The following MZT2A variants were observed in gnomAD, a reference collection of about 807,000 sequenced individuals.
The protein encoded by MZT2A is mitotic-spindle organizing protein 2A.
MZT2A carries 8 observed loss-of-function variants against 12.4 expected under a neutral mutation model. The ratio of observed to expected loss-of-function variants is 0.64; its 90% CI spans 0.38 to 1.16. MZT2A has a LOEUF of 1.16. Ranked by LOEUF, MZT2A falls within the 50% of genes most tolerant of loss-of-function variation. The pLI, the probability that MZT2A is intolerant of heterozygous loss-of-function variation, is 0.01. For synonymous variants in MZT2A, 88 were observed against 107.5 expected, an observed-to-expected ratio of 0.82 and a Z score of 1.12; for missense variants, 181 against 223.6, an observed-to-expected ratio of 0.81 and a Z score of 1.22.
upstream of MZT2A, chr2:131,492,628 A>G: frequency 8.2e-7 from 1 of 1,212,636 alleles, no homozygotes; most frequent in South Asian, 1.9e-5. Context: ...CTTGGCGGTC[A>G]GGGCGTCCCT....
downstream of MZT2A, among the ~76,000 whole-genome samples, chr2:131,483,093 A>G (rs55753071): frequency 0.2 from 30,677 of 152,072 alleles, 5,077 homozygotes; most frequent in East Asian, 0.76. Flanking sequence ...TAACCTGACC[A>G]GGGGAAAATA....
chr2:131,483,704 G>A (rs1413653887), downstream of MZT2A, among the ~76,000 whole-genome samples: 1 of 151,044 alleles, frequency 6.6e-6, no homozygotes, highest in East Asian at 1.9e-4. Flanking sequence ...AACAGAGCAA[G>A]ACTCCGTTTC....
intron 3 of MZT2A, among the ~76,000 whole-genome samples, chr2:131,470,574 C>A (rs1704962074): frequency 6.6e-6 from 1 of 152,226 alleles, no homozygotes; most frequent in Admixed American, 6.5e-5. Context: ...CAACCCCACA[C>A]CAAGAAAGAC....
intron 2 of MZT2A, among the ~76,000 whole-genome samples, chr2:131,484,882 T>C (rs906418695): frequency 6.6e-6 from 1 of 152,234 alleles, no homozygotes; most frequent in African/African-American, 2.4e-5. Context: ...CTCTCTCGGA[T>C]GAAGACCACA....
At chr2:131,491,182 G>A (rs1481858614) in intron 2 of MZT2A, 1 of 498,324 alleles carries the variant, frequency 2.0e-6, no homozygotes, top group South Asian at 2.0e-5. Flanking sequence ...AGGATGAGCA[G>A]GGACGGAGGC....
intron 2 of MZT2A, among the ~76,000 whole-genome samples, chr2:131,489,182 TTTTCTTTTCC>T (rs1320563422): frequency 1.3e-5 from 2 of 152,024 alleles, no homozygotes; most frequent in African/African-American, 4.8e-5. Context: ...TGCTAGTGGT[TTTTCTTTTCC>T]TTTCTTTTCT....
chr2:131,482,474 T>A (rs3900678), downstream of MZT2A: 1 of 1,532,392 alleles, frequency 6.5e-7, no homozygotes, highest in Non-Finnish European at 8.8e-7. Context: ...CAGGGTGTCT[T>A]CTGTTTGAGG....
chr2:131,483,339 C>T (rs190677495), downstream of MZT2A, among the ~76,000 whole-genome samples: 13 of 152,028 alleles, frequency 8.6e-5, no homozygotes, highest in African/African-American at 2.2e-4. Context: ...GAGTATTAAC[C>T]GAGTTCTGCA....
At chr2:131,471,129 G>A (rs561065451) in intron 3 of MZT2A, among the ~76,000 whole-genome samples, 18 of 138,074 alleles carry the variant, frequency 1.3e-4, no homozygotes, top group African/African-American at 5.6e-4. Context: ...CAAGCTGGCA[G>A]GGCGGCTCCC....
chr2:131,476,040 T>C, intron 2 of MZT2A: 1 of 1,402,656 alleles, frequency 7.1e-7, no homozygotes, highest in East Asian at 2.5e-5. Flanking sequence ...GATCCGGCCC[T>C]CAGCCCGCCT....
intron 3 of MZT2A, chr2:131,472,004 A>C (rs905211863): frequency 2.0e-5 from 25 of 1,254,516 alleles, no homozygotes; most frequent in Non-Finnish European, 2.6e-5. Flanking sequence ...ATCTGTATGA[A>C]CAGAATCTTA....
At chr2:131,481,973 T>C (rs1678879205), downstream of MZT2A, among the ~76,000 whole-genome samples, 5 of 152,226 alleles carry the variant, frequency 3.3e-5, no homozygotes, top group South Asian at 8.3e-4. Flanking sequence ...AAACTTGGAA[T>C]GCTTCCCCTT....
intron 2 of MZT2A, chr2:131,478,044 G>A (rs1678733695): frequency 3.6e-6 from 5 of 1,377,030 alleles, no homozygotes; most frequent in Admixed American, 2.6e-5. Flanking sequence ...AGGAAATATC[G>A]ATTGTGAAAG....
At chr2:131,488,224 G>A (rs904130827) in intron 2 of MZT2A, among the ~76,000 whole-genome samples, 3 of 152,160 alleles carry the variant, frequency 2.0e-5, no homozygotes, top group Non-Finnish European at 4.4e-5. Context: ...CTTTTAAAAC[G>A]TATAGTTTCC....
At chr2:131,472,843 G>A (rs1308054623) in intron 2 of MZT2A, among the ~76,000 whole-genome samples, 1 of 152,088 alleles carries the variant, frequency 6.6e-6, no homozygotes, top group Non-Finnish European at 1.5e-5. Context: ...GTGTGATGTG[G>A]GCTACAGCTG....
rs374275842 is a variant in MZT2A at position 131,492,259 on chromosome 2, G to A, written c.118C>T (p.Leu40=). ...CCCGCCGCCTGAGCCAGCTCGTACA[G>A]CTCCATCTCCTCGGTGCTCAGCACC... is the stretch of plus-strand genomic sequence containing the variant. ...KKVLSTEEME[L]YELAQAAGGG... The change falls in exon 1 of 3, where the codon CTG becomes TTG. Residue 40 remains leucine, a synonymous_variant. Transcript: ENST00000309451. 2.1e-3 allele frequency: 3,399 copies of A among 1,584,780 alleles called. 19 individuals are homozygous for A. Among genetic ancestry groups the A allele is most frequent in the South Asian group, 4.4e-3 (384 of 88,162 alleles).
chr2:131,492,894 GC>G, upstream of MZT2A: 1 of 1,509,306 alleles, frequency 6.6e-7, no homozygotes, highest in Non-Finnish European at 8.9e-7. Flanking sequence ...CACAACGCAG[GC>G]GCATTCAGCT....
At chr2:131,491,296 C>T (rs2104742714) in intron 2 of MZT2A, 1 of 300,086 alleles carries the variant, frequency 3.3e-6, no homozygotes, top group Admixed American at 4.6e-5. Context: ...CTGGGAGTTC[C>T]GCGTCTAACT....
chr2:131,479,821 CAG>C (rs1266315073), downstream of MZT2A, among the ~76,000 whole-genome samples: 1 of 152,106 alleles, frequency 6.6e-6, no homozygotes, highest in Non-Finnish European at 1.5e-5. Flanking sequence ...GCCTGGGAAA[CAG>C]AGCAAGATTC....
Sources: allele counts gnomAD v4.1 joint callset (sites outside exome capture counted in the v4.1 genomes callset), GRCh38; gene constraint gnomAD v4.1.1; transcripts MANE v1.5; gene names NCBI Gene and HGNC (gene_info 2026-07-23, HGNC 2026-07-21).